The following GALNTL6 variants were observed in gnomAD, a reference collection of about 807,000 sequenced individuals.
GALNTL6 encodes the protein polypeptide N-acetylgalactosaminyltransferase-like 6.
GALNTL6 carries 46 observed loss-of-function variants against 73.7 expected under a neutral mutation model. The observed-to-expected ratio is 0.62, with a 90% confidence interval of 0.49 to 0.80. GALNTL6 has a LOEUF of 0.80. GALNTL6 is among the 30% of genes least tolerant of loss of function. The probability of loss-of-function intolerance (pLI) is 0.00; values close to 1 mark genes in which losing one functional copy is unlikely to be tolerated. For missense variants in GALNTL6, 604 were observed against 755.0 expected (o/e 0.80, Z 2.34); for synonymous variants, 259 against 263.7 (o/e 0.98, Z 0.17).
At chr4:172,584,112 A>G (rs1486616629) in intron 5 of GALNTL6, among the ~76,000 whole-genome samples, 1 of 151,936 alleles carries the variant, frequency 6.6e-6, no homozygotes. Flanking sequence ...CCAATGAAGA[A>G]CAGGGACAAA....
chr4:172,553,172 T>C (rs1246091609), intron 5 of GALNTL6, among the ~76,000 whole-genome samples: 2 of 152,290 alleles, frequency 1.3e-5, no homozygotes, highest in East Asian at 1.9e-4. Context: ...CAATTAGAAG[T>C]TGAATATGAT....
chr4:171,868,451 C>T (rs1205939962), intron 2 of GALNTL6, among the ~76,000 whole-genome samples: 1 of 152,202 alleles, frequency 6.6e-6, no homozygotes, highest in Non-Finnish European at 1.5e-5. Flanking sequence ...AAAGTCGTCT[C>T]TTCTCTTCTC....
chr4:172,028,116 A>C (rs982358074), intron 2 of GALNTL6, among the ~76,000 whole-genome samples: 1 of 152,134 alleles, frequency 6.6e-6, no homozygotes, highest in African/African-American at 2.4e-5. Flanking sequence ...GTGGCCATCT[A>C]GGATTTTCAC....
chr4:172,171,622 A>G (rs995461513), intron 2 of GALNTL6, among the ~76,000 whole-genome samples: 1 of 151,168 alleles, frequency 6.6e-6, no homozygotes, highest in Non-Finnish European at 1.5e-5. Flanking sequence ...TGAGCTCAGG[A>G]GTTCGAGAGC....
intron 2 of GALNTL6, among the ~76,000 whole-genome samples, chr4:172,220,875 C>T (rs2637997): frequency 0.99 from 149,832 of 151,924 alleles, 73,926 homozygotes; most frequent in East Asian, 1. Context: ...TGTGCACATG[C>T]GGCTGATGCA....
At chr4:172,861,849 C>A (rs1744410533) in intron 7 of GALNTL6, among the ~76,000 whole-genome samples, 2 of 152,166 alleles carry the variant, frequency 1.3e-5, no homozygotes, top group South Asian at 4.1e-4. Flanking sequence ...GTGAGGCCTG[C>A]CCAGCCATGT....
At chr4:171,963,013 A>T (rs898222966) in intron 2 of GALNTL6, among the ~76,000 whole-genome samples, 1 of 149,786 alleles carries the variant, frequency 6.7e-6, no homozygotes, top group South Asian at 2.1e-4. Context: ...TGATCCGCCC[A>T]CCTTGGCCTC....
At chr4:172,728,878 A>G (rs1484944252) in intron 5 of GALNTL6, among the ~76,000 whole-genome samples, 1 of 152,128 alleles carries the variant, frequency 6.6e-6, no homozygotes, top group Admixed American at 6.5e-5. Context: ...ATCCTTGCCA[A>G]CATCTGTTGT....
At position 172,931,193 on chromosome 4, in the gene GALNTL6, T is replaced by C. The variant is rs779452367; in HGVS notation, c.1074T>C (p.Val358=). The change falls in exon 9 of 13, where the codon GTT becomes GTC. Residue 358 remains valine, a synonymous_variant. Coordinates refer to ENST00000506823, the MANE Select transcript of GALNTL6 (RefSeq NM_001034845.3). ...VWMCGGEMFD[V]PCSRVGHIYR... Reference sequence around the variant, plus strand: ...TGTGTGGAGGAGAAATGTTTGATGTTCCATGTTCTAGAGTTGGTCATATCT... The same window carrying C: ...TGTGTGGAGGAGAAATGTTTGATGTCCCATGTTCTAGAGTTGGTCATATCT... 5.6e-6 allele frequency: 9 copies of C among 1,611,190 alleles called. No homozygotes were observed. The highest frequency in any genetic ancestry group is 4.4e-5 in the South Asian group (4 of 91,046).
At chr4:172,536,613 G>A (rs1318523593) in intron 5 of GALNTL6, among the ~76,000 whole-genome samples, 7 of 152,152 alleles carry the variant, frequency 4.6e-5, no homozygotes, top group Non-Finnish European at 8.8e-5. Context: ...AGGGTATCTG[G>A]CAGAAGAAAT....
chr4:172,382,420 T>G (rs573633782), intron 5 of GALNTL6, among the ~76,000 whole-genome samples: 2 of 152,274 alleles, frequency 1.3e-5, no homozygotes, highest in South Asian at 4.1e-4. Flanking sequence ...GGGAGAAATA[T>G]GTACTCCAGC....
chr4:172,235,956 T>A (rs559552590), intron 3 of GALNTL6, among the ~76,000 whole-genome samples: 11 of 152,338 alleles, frequency 7.2e-5, no homozygotes, highest in Admixed American at 3.9e-4. Context: ...GACATCTAAG[T>A]GTATCCATGT....
chr4:172,875,948 T>C (rs1745173811), intron 7 of GALNTL6, among the ~76,000 whole-genome samples: 1 of 152,152 alleles, frequency 6.6e-6, no homozygotes, highest in Non-Finnish European at 1.5e-5. Flanking sequence ...TTTCATCTCA[T>C]GTAAAGATCA....
intron 4 of GALNTL6, among the ~76,000 whole-genome samples, chr4:172,337,332 C>G (rs1741372715): frequency 6.6e-6 from 1 of 152,098 alleles, no homozygotes; most frequent in Non-Finnish European, 1.5e-5. Flanking sequence ...GTGAAGTTAA[C>G]TGGTTGCTTT....
chr4:172,831,213 G>A (rs1298892578), intron 7 of GALNTL6, among the ~76,000 whole-genome samples: 1 of 141,488 alleles, frequency 7.1e-6, no homozygotes, highest in Non-Finnish European at 1.5e-5. Context: ...AAAGACACGG[G>A]CTTATTTATT....
At chr4:172,116,586 T>C (rs1035145344) in intron 2 of GALNTL6, among the ~76,000 whole-genome samples, 4 of 152,168 alleles carry the variant, frequency 2.6e-5, no homozygotes, top group African/African-American at 9.7e-5. Context: ...TTTAACTACA[T>C]TGATATTCTC....
intron 4 of GALNTL6, among the ~76,000 whole-genome samples, chr4:172,341,373 C>T (rs1741555056): frequency 7.0e-6 from 1 of 142,716 alleles, no homozygotes; most frequent in African/African-American, 2.7e-5. Flanking sequence ...ATGGCGTGAA[C>T]CCGGGAGGCG....
At chr4:173,026,409 C>G (rs1753233950) in intron 12 of GALNTL6, among the ~76,000 whole-genome samples, 2 of 152,130 alleles carry the variant, frequency 1.3e-5, no homozygotes. Flanking sequence ...CCCTTGATAC[C>G]TCTGGCCTGC....
At chr4:172,616,179 T>G (rs1738720898) in intron 5 of GALNTL6, among the ~76,000 whole-genome samples, 1 of 152,186 alleles carries the variant, frequency 6.6e-6, no homozygotes, top group African/African-American at 2.4e-5. Context: ...ACAATGGATC[T>G]CATTTGAAAA....
Sources: gnomAD v4.1 joint callset for allele counts (sites outside exome capture counted in the v4.1 genomes callset) on GRCh38, gnomAD v4.1.1 for gene constraint, MANE v1.5 for transcripts, NCBI Gene and HGNC (gene_info 2026-07-23, HGNC 2026-07-21) for gene names.